Variants in NPEPPS observed in about 807,000 individuals in gnomAD.
The protein encoded by NPEPPS is puromycin-sensitive aminopeptidase.
Under a neutral mutation model 115.5 loss-of-function variants are expected in NPEPPS, and 14 were observed. That is an observed-to-expected ratio of 0.12 (90% CI 0.08 to 0.19). The LOEUF is 0.19. NPEPPS is among the 10% of genes least tolerant of loss of function. The pLI is 1.00. For synonymous variants in NPEPPS, 285 were observed against 390.6 expected (o/e 0.73, Z 3.19); for missense variants, 523 against 1,110.8 (o/e 0.47, Z 7.52).
In NPEPPS at chr17:47,613,876, G is replaced by A. The variant is rs367563741; in HGVS notation, c.2295+151G>A. ...TATTTTAAAACTGTGAGAGAATTAT[G>A]TCTATCCATATATGTTATATCAGTA... is the stretch of plus-strand genomic sequence containing the variant. On this transcript the variant is annotated intron_variant, in intron 19 of 22. Transcript: ENST00000322157. 5.3e-5 allele frequency among the ~76,000 whole-genome samples: 8 copies of A among 150,360 alleles called. No homozygotes were observed. The East Asian group carries it at 1.4e-3, about 26-fold the overall frequency.
chr17:47,566,212 C>G (rs1258587585), intron 2 of NPEPPS, among the ~76,000 whole-genome samples: 2 of 152,148 alleles, frequency 1.3e-5, no homozygotes, highest in African/African-American at 4.8e-5. Flanking sequence ...CTCCTGGGTT[C>G]AAGTGATCCT....
At chr17:47,619,809 C>T (rs770011557) in intron 22 of NPEPPS, 25 bp downstream of exon 22, 8 of 1,563,094 alleles carry the variant, frequency 5.1e-6, no homozygotes, top group Non-Finnish European at 7.1e-6. Context: ...GTTTACTCTT[C>T]ACTTTTCAGT....
chr17:47,565,409 T>G (rs1910738502), intron 2 of NPEPPS, among the ~76,000 whole-genome samples: 1 of 147,598 alleles, frequency 6.8e-6, no homozygotes, highest in African/African-American at 2.5e-5. Context: ...CTCGGGAGGC[T>G]GAGGCAGAAG....
chr17:47,562,217 G>A (rs1910475855), intron 2 of NPEPPS, among the ~76,000 whole-genome samples: 1 of 152,220 alleles, frequency 6.6e-6, no homozygotes, highest in Admixed American at 6.5e-5. Flanking sequence ...ACACTGACTT[G>A]AAGCTGGTTG....
At position 47,550,700 on chromosome 17, in the gene NPEPPS, C is replaced by T. The variant is rs1238026583; in HGVS notation, c.340+4707C>T. Among the ~76,000 whole-genome samples, 10 of 149,624 alleles carry T rather than the reference C, an allele frequency of 6.7e-5. No individual in the cohort carries two copies. In the South Asian group the frequency reaches 1.5e-3, roughly 22 times the overall value. On this transcript the variant is annotated intron_variant, in intron 2 of 22. Coordinates refer to ENST00000322157, the MANE Select transcript of NPEPPS (RefSeq NM_006310.4). ...TGCAGTGCGATGGCATGATCTTGCT[C>T]ACTGCAACCTCTGCCTCCCAGGTTC... is the stretch of plus-strand genomic sequence containing the variant.
Position 47,589,704 on chromosome 17 carries a change from T to C in NPEPPS, c.1096-1013T>C, listed in dbSNP as rs535739914. On this transcript the variant is annotated intron_variant, in intron 9 of 22. Transcript: ENST00000322157. ...CTATGCATTCTTATTTAACAGGTGA[T>C]AATTTTATATTCCATAAGTGCTTAA... Among the ~76,000 whole-genome samples the C allele has an allele frequency of 2.4e-3, 359 of 152,358 alleles. 1 individual carries two copies. Among genetic ancestry groups the C allele is most frequent in the Admixed American group, 4.9e-3 (75 of 15,310 alleles).
intron 1 of NPEPPS, among the ~76,000 whole-genome samples, chr17:47,535,410 G>C (rs1233875190): frequency 2.0e-5 from 3 of 151,184 alleles, no homozygotes; most frequent in Non-Finnish European, 2.9e-5. Flanking sequence ...AATTAGCCGG[G>C]CGTGGTGGCG....
chr17:47,554,197 C>T (rs1447260553), intron 2 of NPEPPS, among the ~76,000 whole-genome samples: 2 of 151,672 alleles, frequency 1.3e-5, no homozygotes, highest in South Asian at 2.1e-4. Context: ...TGCGCCACCA[C>T]GCCTGGCTAA....
At chr17:47,562,636 ATGTGTGTGTT>A (rs1910509391) in intron 2 of NPEPPS, among the ~76,000 whole-genome samples, 1 of 147,518 alleles carries the variant, frequency 6.8e-6, no homozygotes, top group Non-Finnish European at 1.5e-5. Context: ...GTGTGTGTAT[ATGTGTGTGTT>A]TGTAGAGGGC....
chr17:47,592,710 T>G (rs904750873), intron 12 of NPEPPS, 165 bp downstream of exon 12: 4 of 597,526 alleles, frequency 6.7e-6, no homozygotes, highest in African/African-American at 1.9e-5. Context: ...AATCTCAAAA[T>G]CTGAAATTTG....
At position 47,585,523 on chromosome 17, in the gene NPEPPS, C is replaced by T. The variant is rs762540193; in HGVS notation, c.672C>T (p.Tyr224=). 5.0e-6 allele frequency: 8 copies of T among 1,612,916 alleles called. No homozygotes were observed. In the African/African-American group the frequency reaches 6.7e-5, roughly 13 times the overall value. The change falls in exon 6 of 23, where the codon TAC becomes TAT. Residue 224 remains tyrosine, a synonymous_variant. Coordinates refer to ENST00000322157, the MANE Select transcript of NPEPPS (RefSeq NM_006310.4). ...SNMNVIDRKP[Y]PDDENLVEVK... The stretch of plus-strand genomic sequence containing the variant: ...AGAATGTAATTGACCGGAAACCATA[C>T]CCTGATGATGAAAATTTAGTGGAAG...
At chr17:47,604,893 A>C (rs531273570) in intron 16 of NPEPPS, among the ~76,000 whole-genome samples, 51 of 152,374 alleles carry the variant, frequency 3.3e-4, no homozygotes, top group African/African-American at 1.2e-3. Context: ...AAGTTGACAC[A>C]GTTTGCAGGT....
At position 47,619,151 on chromosome 17, in the gene NPEPPS, C is replaced by G; in HGVS notation, c.2546C>G (p.Ser849Cys). 1 of 1,613,004 alleles carries G rather than the reference C, an allele frequency of 6.2e-7. No individual in the cohort carries two copies. Among genetic ancestry groups the G allele is most frequent in the South Asian group, 1.1e-5 (1 of 90,976 alleles). Residue 849 changes from serine to cysteine, a missense_variant, in exon 21 of 23, where the codon TCC becomes TGC. By Grantham distance (112) the Ser-to-Cys change is moderately radical (BLOSUM62 -1). Transcript: ENST00000322157. ...CGATACCAGGGAGGATTCTTAATAT[C>G]CAGACTAATAAAGGTATGTGAAAAA... ...YNRYQGGFLI[S>C]RLIKLSVEGF...
intron 13 of NPEPPS, among the ~76,000 whole-genome samples, chr17:47,596,838 G>A (rs1160957789): frequency 6.6e-6 from 1 of 152,082 alleles, no homozygotes; most frequent in Non-Finnish European, 1.5e-5. Context: ...ACTTGAGGTC[G>A]GGAGTTTGAG....
chr17:47,595,711 G>A lies in NPEPPS; in HGVS notation c.1427-642G>A, dbSNP rs569543399. Among the ~76,000 whole-genome samples the A allele has an allele frequency of 5.3e-5, 8 of 151,570 alleles. No individual in the cohort carries two copies. In the East Asian group the frequency reaches 1.4e-3, roughly 26 times the overall value. ...TTGCAAGAAATTATGGGCCAGGTGC[G>A]GTGGCTCATGCCTGTAATCCCAGCA... is the stretch of plus-strand genomic sequence containing the variant. On this transcript the variant is annotated intron_variant, in intron 12 of 22. Transcript: ENST00000322157.
At chr17:47,555,531 G>C (rs2143751907) in intron 2 of NPEPPS, among the ~76,000 whole-genome samples, 1 of 151,456 alleles carries the variant, frequency 6.6e-6, no homozygotes, top group East Asian at 1.9e-4. Flanking sequence ...ATTTTTAGTA[G>C]AGATGGAGTT....
At chr17:47,568,152 T>G (rs1388648218) in intron 2 of NPEPPS, among the ~76,000 whole-genome samples, 2 of 151,660 alleles carry the variant, frequency 1.3e-5, no homozygotes, top group Non-Finnish European at 1.5e-5. Flanking sequence ...ACATCCTACC[T>G]TATACTTTTT....
intron 3 of NPEPPS, among the ~76,000 whole-genome samples, chr17:47,575,910 C>A (rs1454406241): frequency 6.6e-6 from 1 of 152,006 alleles, no homozygotes; most frequent in Non-Finnish European, 1.5e-5. Flanking sequence ...GCCCCACCGA[C>A]AATATTGAAT....
intron 20 of NPEPPS, 68 bp downstream of exon 20, chr17:47,618,525 A>C: frequency 1.8e-6 from 2 of 1,095,682 alleles, no homozygotes; most frequent in Non-Finnish European, 2.8e-6. Context: ...TCTCTGATTC[A>C]GCTCTGATCC....
Sources: gnomAD v4.1 joint callset for allele counts (sites outside exome capture counted in the v4.1 genomes callset) on GRCh38, gnomAD v4.1.1 for gene constraint, MANE v1.5 for transcripts, NCBI Gene and HGNC (gene_info 2026-07-23, HGNC 2026-07-21) for gene names.